Variants in SSPN observed in about 807,000 individuals in gnomAD.
SSPN encodes the protein sarcospan.
In SSPN, 15 loss-of-function variants were observed where a neutral mutation model predicts 19.1. The ratio of observed to expected loss-of-function variants is 0.78; its 90% CI spans 0.52 to 1.21. The LOEUF is 1.21. Among genes scored for constraint, SSPN ranks in the 50% most tolerant of loss-of-function variants. SSPN has a pLI of 0.00. For synonymous variants in SSPN, 147 were observed against 140.3 expected, an observed-to-expected ratio of 1.05 and a Z score of -0.34; for missense variants, 291 against 314.0, an observed-to-expected ratio of 0.93 and a Z score of 0.55.
intron 1 of SSPN, among the ~76,000 whole-genome samples, chr12:26,172,430 T>G (rs1175299009): frequency 6.6e-6 from 1 of 152,232 alleles, no homozygotes; most frequent in African/African-American, 2.4e-5. Context: ...CATAATAGGC[T>G]CATTTCTCTG....
chr12:26,188,082 A>G (rs1178288842), intron 1 of SSPN, among the ~76,000 whole-genome samples: 18 of 152,240 alleles, frequency 1.2e-4, no homozygotes, highest in Non-Finnish European at 2.1e-4. Flanking sequence ...CTTATAGTTC[A>G]TAGCAACCTT....
Position 26,195,647 on chromosome 12 carries a change from ACCCAC to A in SSPN, c.-23_-19del. 1 of 174,028 alleles carries A rather than the reference ACCCAC, an allele frequency of 5.7e-6. No individual in the cohort carries two copies. The allele number at this position is 174,028 out of a possible 1,614,324, so 10.8% of individuals were successfully genotyped here. On this transcript the variant is annotated 5_prime_UTR_variant, in exon 1 of 3. Coordinates refer to ENST00000242729, the MANE Select transcript of SSPN (RefSeq NM_005086.5). ...GGCCCAGGGCGCCGCACACGCACCC[ACCCAC>A]CCACCCAGCCTCGCAGCGCCATGGG...
chr12:26,166,287 A>G (rs1490816172), intron 1 of SSPN, among the ~76,000 whole-genome samples: 1 of 152,254 alleles, frequency 6.6e-6, no homozygotes, highest in Non-Finnish European at 1.5e-5. Flanking sequence ...AAAAAAAAGT[A>G]TATGGTTACT....
Position 26,230,942 on chromosome 12 carries a change from A to T in SSPN, c.598A>T (p.Ile200Phe), listed in dbSNP as rs149130583. 22 of 1,614,130 alleles carry T rather than the reference A, an allele frequency of 1.4e-5. 1 individual carries two copies. Among genetic ancestry groups the T allele is most frequent in the Non-Finnish European group, 1.8e-5 (21 of 1,180,036 alleles). ...CAAACTGTTCTTACTCATCCAGATGATTCTTAATTTGGTCTGCGGCCTTGT... is the reference window on the plus strand; with the variant it reads ...CAAACTGTTCTTACTCATCCAGATGTTTCTTAATTTGGTCTGCGGCCTTGT... The part of the protein sequence containing the change: ...TFKLFLLIQM[I>F]LNLVCGLVCL... Residue 200 changes from isoleucine (I) to phenylalanine (F), a missense_variant, in exon 3 of 3, where the codon ATT becomes TTT. By Grantham distance (21) the Ile-to-Phe change is conservative (BLOSUM62 0). Around this residue, in one of 3 missense-constraint regions of SSPN, gnomAD observed 141 missense variants for 166.7 expected, o/e 0.85. Transcript: ENST00000242729.
At chr12:26,141,679 T>C (rs929696939) in intron 1 of SSPN, among the ~76,000 whole-genome samples, 1 of 152,250 alleles carries the variant, frequency 6.6e-6, no homozygotes, top group Admixed American at 6.5e-5. Context: ...GAAATTGTCT[T>C]ACTAATTTGT....
chr12:26,212,647 GA>G (rs879255817), intron 1 of SSPN, among the ~76,000 whole-genome samples: 34 of 142,086 alleles, frequency 2.4e-4, no homozygotes, highest in South Asian at 6.6e-4. Flanking sequence ...TTACTCTAAT[GA>G]AAAAAAAAAA....
At chr12:26,219,385 A>C (rs1945094524) in intron 1 of SSPN, among the ~76,000 whole-genome samples, 1 of 152,188 alleles carries the variant, frequency 6.6e-6, no homozygotes, top group Non-Finnish European at 1.5e-5. Flanking sequence ...CCTTTTATTC[A>C]TAATACAAAC....
rs182927891 is a variant in SSPN, at chr12:26,185,276, A to G, written c.-30-39017A>G. Reference sequence around the variant, plus strand: ...CAACCTGGTAGGCACTGGTGATGAAAAGGCAGGTTCCTGCCCGTGAGGAGC... The same window carrying G: ...CAACCTGGTAGGCACTGGTGATGAAGAGGCAGGTTCCTGCCCGTGAGGAGC... On this transcript the variant is annotated intron_variant, in intron 1 of 2. Coordinates refer to the SSPN transcript ENST00000538142. Among the ~76,000 whole-genome samples the G allele has an allele frequency of 4.7e-3, 711 of 152,336 alleles. 10 individuals are homozygous for G. Among genetic ancestry groups the G allele is most frequent in the African/African-American group, 0.016 (683 of 41,582 alleles).
intron 1 of SSPN, among the ~76,000 whole-genome samples, chr12:26,151,998 AAAG>A (rs1944528628): frequency 1.3e-5 from 2 of 152,336 alleles, no homozygotes; most frequent in East Asian, 3.9e-4. Context: ...TTGAATCCTG[AAAG>A]AAGAATTTCT....
intron 1 of SSPN, among the ~76,000 whole-genome samples, chr12:26,210,478 C>T (rs549234518): frequency 2.1e-4 from 32 of 152,008 alleles, no homozygotes; most frequent in African/African-American, 7.2e-4. Context: ...CAAAAATTTA[C>T]CCTTTGTCTC....
chr12:26,174,253 A>G (rs1944669707), intron 1 of SSPN, among the ~76,000 whole-genome samples: 1 of 152,190 alleles, frequency 6.6e-6, no homozygotes, highest in Non-Finnish European at 1.5e-5. Flanking sequence ...ATCTCTAAAG[A>G]CTATCTTGGT....
intron 1 of SSPN, among the ~76,000 whole-genome samples, chr12:26,172,583 A>G (rs546372724): frequency 1.3e-5 from 2 of 152,326 alleles, no homozygotes; most frequent in Non-Finnish European, 2.9e-5. Flanking sequence ...AATAAACGGC[A>G]TTTGCATTGC....
At chr12:26,181,191 C>A (rs991341923) in intron 1 of SSPN, 4 of 152,140 alleles carry the variant, frequency 2.6e-5, no homozygotes, top group African/African-American at 9.7e-5. Flanking sequence ...CTGTGGAAAT[C>A]TTTTTCCTTA....
rs553085830 is a variant in SSPN at position 26,172,270 on chromosome 12, G to A, written c.-31+50118G>A. Reference sequence around the variant, plus strand: ...TTAAATGTGTATGAAAATAATTCAAGCATATGGTAAAAATGTTGAATATTC... The same window carrying A: ...TTAAATGTGTATGAAAATAATTCAAACATATGGTAAAAATGTTGAATATTC... On this transcript the variant is annotated intron_variant, in intron 1 of 2. Coordinates refer to the SSPN transcript ENST00000538142. Among the ~76,000 whole-genome samples, 24 of 152,276 alleles carry A rather than the reference G, an allele frequency of 1.6e-4. No homozygotes were observed. In the South Asian group the frequency reaches 2.3e-3, roughly 14 times the overall value.
At chr12:26,137,506 T>C (rs1166153671) in intron 1 of SSPN, among the ~76,000 whole-genome samples, 1 of 151,714 alleles carries the variant, frequency 6.6e-6, no homozygotes, top group South Asian at 2.1e-4. Flanking sequence ...TCCGCACTTA[T>C]AGAATGAGGA....
At chr12:26,208,022 G>GA (rs1166030180) in intron 1 of SSPN, among the ~76,000 whole-genome samples, 1 of 119,754 alleles carries the variant, frequency 8.4e-6, no homozygotes, top group Non-Finnish European at 2.1e-5. Flanking sequence ...TGGTGGTGGG[G>GA]GGGGGGGATA....
At chr12:26,124,253 G>GCACCCC in intron 1 of SSPN, 1 of 785,904 alleles carries the variant, frequency 1.3e-6, no homozygotes, top group Non-Finnish European at 2.1e-6. Context: ...ACCCTCGTCT[G>GCACCCC]CCCCCCCCGC....
chr12:26,219,428 C>T (rs1183855217), intron 1 of SSPN, among the ~76,000 whole-genome samples: 1 of 152,040 alleles, frequency 6.6e-6, no homozygotes, highest in Non-Finnish European at 1.5e-5. Flanking sequence ...TATAATAGGC[C>T]AAATAACAAA....
chr12:26,230,668 A>G (rs1259076413), intron 2 of SSPN, 43 bp from the exon 3 acceptor site: 1 of 1,551,900 alleles, frequency 6.4e-7, no homozygotes, highest in East Asian at 2.3e-5. Flanking sequence ...TCATCATCCA[A>G]TGTTCTTTGT....
Sources: allele counts gnomAD v4.1 joint callset (sites outside exome capture counted in the v4.1 genomes callset), GRCh38; gene constraint gnomAD v4.1.1; regional missense constraint gnomAD v4.1.1; transcripts MANE v1.5; gene names NCBI Gene and HGNC (gene_info 2026-07-23, HGNC 2026-07-21).